Variants in PPM1H observed in about 807,000 individuals in gnomAD.
PPM1H encodes protein phosphatase, Mg2+/Mn2+ dependent 1H, also known as protein phosphatase 1H.
A neutral mutation model predicts 54.9 loss-of-function variants in PPM1H; 27 were observed. That is an observed-to-expected ratio of 0.49 (90% CI 0.36 to 0.68). The LOEUF (loss-of-function observed/expected upper bound fraction) is 0.68, where lower values mean the gene tolerates loss of function less well. Among genes scored for constraint, PPM1H ranks in the 30% least tolerant of loss-of-function variants. PPM1H has a pLI of 0.00. For synonymous variants in PPM1H, 305 were observed against 270.8 expected, an observed-to-expected ratio of 1.13 and a Z score of -1.24; for missense variants, 596 against 667.8, an observed-to-expected ratio of 0.89 and a Z score of 1.19.
intron 2 of PPM1H, among the ~76,000 whole-genome samples, chr12:62,821,770 A>G (rs2076904276): frequency 1.3e-5 from 2 of 152,234 alleles, no homozygotes; most frequent in Non-Finnish European, 2.9e-5. Flanking sequence ...AGCACTAAAC[A>G]TGGAAAGGAA....
chr12:62,676,635 G>A lies in PPM1H; in HGVS notation c.1246-9306C>T, dbSNP rs894029916. Among the ~76,000 whole-genome samples, 124 of 152,272 alleles carry A rather than the reference G, an allele frequency of 8.1e-4. 2 individuals carry two copies. The highest frequency in any genetic ancestry group is 3.8e-4 in the Non-Finnish European group (26 of 68,016). Reference sequence around the variant, plus strand: ...CTGAGCCTGGTCACTGTCGTGACCCGGCTGGGTGTGTGGGGGCTTGGGGCA... The same window carrying A: ...CTGAGCCTGGTCACTGTCGTGACCCAGCTGGGTGTGTGGGGGCTTGGGGCA... On this transcript the variant is annotated intron_variant, in intron 8 of 9. Transcript: ENST00000228705.
intron 9 of PPM1H, among the ~76,000 whole-genome samples, chr12:62,665,134 G>A (rs1360177361): frequency 2.6e-5 from 4 of 151,982 alleles, no homozygotes; most frequent in Admixed American, 6.6e-5. Flanking sequence ...TGCAACTTCC[G>A]CCTCCCAGGT....
chr12:62,716,696 T>A (rs1229467391), intron 6 of PPM1H, among the ~76,000 whole-genome samples: 1 of 151,976 alleles, frequency 6.6e-6, no homozygotes, highest in Non-Finnish European at 1.5e-5. Flanking sequence ...CTGGCTAATT[T>A]AAAAAAAATT....
intron 4 of PPM1H, among the ~76,000 whole-genome samples, chr12:62,787,629 G>T (rs536929128): frequency 6.6e-6 from 1 of 152,204 alleles, no homozygotes; most frequent in African/African-American, 2.4e-5. Flanking sequence ...GGTCTAGCTT[G>T]GGCAACATAG....
rs761089248 is a variant in PPM1H, at chr12:62,802,092, C to A, written c.480G>T (p.Val160=). 9.9e-6 allele frequency: 16 copies of A among 1,610,050 alleles called. No homozygotes were observed. In the South Asian group the frequency reaches 1.8e-4, roughly 18 times the overall value. Residue 160 remains valine, a synonymous_variant, in exon 3 of 10, where the codon GTG becomes GTT. Coordinates refer to ENST00000228705, the MANE Select transcript of PPM1H (RefSeq NM_020700.2). ...FDGHAGSGAA[V]VASRLLQHHI... ...GGTGCTGCAGCAGGCGTGACGCCAC[C>A]ACCGCGGCCCCGGACCCCGCGTGCC... is the stretch of plus-strand genomic sequence containing the variant.
At chr12:62,692,932 GACACACACAC>G (rs71278272) in intron 7 of PPM1H, among the ~76,000 whole-genome samples, 83 of 146,810 alleles carry the variant, frequency 5.7e-4, no homozygotes, top group African/African-American at 1.8e-3. Flanking sequence ...CTTTTGCTCT[GACACACACAC>G]ACACACACAC....
intron 1 of PPM1H, among the ~76,000 whole-genome samples, chr12:62,838,006 C>T (rs1868555665): frequency 6.6e-6 from 1 of 152,214 alleles, no homozygotes; most frequent in Admixed American, 6.5e-5. Context: ...CCACATGGTT[C>T]TGAACATGCT....
At chr12:62,781,091 G>A (rs745486987) in intron 4 of PPM1H, among the ~76,000 whole-genome samples, 33 of 152,158 alleles carry the variant, frequency 2.2e-4, no homozygotes, top group Non-Finnish European at 2.9e-4. Flanking sequence ...CGAAAAGTCC[G>A]CACGGGGGCA....
At chr12:62,657,675 C>A (rs2075852737) in intron 9 of PPM1H, among the ~76,000 whole-genome samples, 1 of 152,118 alleles carries the variant, frequency 6.6e-6, no homozygotes, top group Non-Finnish European at 1.5e-5. Flanking sequence ...AACCTTATGG[C>A]ATGCAAGAAA....
chr12:62,654,748 TCA>T (rs895605969), intron 9 of PPM1H, among the ~76,000 whole-genome samples: 12 of 152,172 alleles, frequency 7.9e-5, no homozygotes, highest in Admixed American at 7.2e-4. Flanking sequence ...AGGTTTAACT[TCA>T]CACTTTTCCT....
At chr12:62,762,903 T>A (rs575473079) in intron 4 of PPM1H, among the ~76,000 whole-genome samples, 1 of 152,306 alleles carries the variant, frequency 6.6e-6, no homozygotes, top group South Asian at 2.1e-4. Flanking sequence ...CAGGGAAACC[T>A]GGAGGAGGCT....
intron 6 of PPM1H, among the ~76,000 whole-genome samples, chr12:62,697,434 G>A (rs1376772808): frequency 2.0e-5 from 3 of 151,912 alleles, no homozygotes; most frequent in South Asian, 4.2e-4. Flanking sequence ...TGGCCATCTC[G>A]CCAGCAATGA....
chr12:62,897,451 C>CA (rs1483270432), intron 1 of PPM1H, among the ~76,000 whole-genome samples: 1 of 152,106 alleles, frequency 6.6e-6, no homozygotes, highest in African/African-American at 2.4e-5. Flanking sequence ...CTTTAAGACA[C>CA]ACCACTTAAT....
chr12:62,884,440 G>A (rs1219158462), intron 1 of PPM1H, among the ~76,000 whole-genome samples: 1 of 147,872 alleles, frequency 6.8e-6, no homozygotes, highest in African/African-American at 2.5e-5. Context: ...GGCAGAGGCT[G>A]TGGTGAGCTG....
At chr12:62,689,011 A>G (rs1052544758) in intron 8 of PPM1H, among the ~76,000 whole-genome samples, 4 of 152,166 alleles carry the variant, frequency 2.6e-5, no homozygotes, top group African/African-American at 9.7e-5. Flanking sequence ...ACAAAACAAA[A>G]CAAAACAACT....
At chr12:62,839,268 T>C (rs1868629692) in intron 1 of PPM1H, among the ~76,000 whole-genome samples, 1 of 152,092 alleles carries the variant, frequency 6.6e-6, no homozygotes, top group African/African-American at 2.4e-5. Flanking sequence ...TGTCTGTGGC[T>C]AAGAGCAGTG....
intron 1 of PPM1H, among the ~76,000 whole-genome samples, chr12:62,884,436 G>C (rs956769216): frequency 6.7e-6 from 1 of 149,718 alleles, no homozygotes; most frequent in Non-Finnish European, 1.5e-5. Context: ...CAGAGGCAGA[G>C]GCTGTGGTGA....
intron 1 of PPM1H, among the ~76,000 whole-genome samples, chr12:62,905,875 T>C (rs1176675631): frequency 1.3e-5 from 2 of 152,180 alleles, no homozygotes; most frequent in Non-Finnish European, 1.5e-5. Context: ...CATATGATGA[T>C]GCAAAGAACC....
rs147818109 is a variant in PPM1H, at chr12:62,856,845, G to A, written c.246-24566C>T. Among the ~76,000 whole-genome samples the A allele has an allele frequency of 1.8e-3, 270 of 152,240 alleles. 3 individuals are homozygous for A. The highest frequency in any genetic ancestry group is 6.3e-3 in the African/African-American group (262 of 41,536). ...TATTTATAACAATGGATGGGATCTT[G>A]TGGCTTTTTGGGTGATCACAAGAGC... On this transcript the variant is annotated intron_variant, in intron 1 of 9. Transcript: ENST00000228705.
Sources: allele counts gnomAD v4.1 joint callset (sites outside exome capture counted in the v4.1 genomes callset), GRCh38; gene constraint gnomAD v4.1.1; transcripts MANE v1.5; gene names NCBI Gene and HGNC (gene_info 2026-07-23, HGNC 2026-07-21).